The following ORC4 variants were observed in gnomAD, a reference collection of about 807,000 sequenced individuals.
ORC4 encodes the protein origin recognition complex subunit 4.
Under a neutral mutation model 63.9 loss-of-function variants are expected in ORC4, and 55 were observed. The observed-to-expected ratio is 0.86, with a 90% CI of 0.69 to 1.08. ORC4 has a LOEUF of 1.08. ORC4 is among the 50% of genes least tolerant of loss of function. The pLI is 0.00. For missense variants in ORC4, 511 were observed against 504.4 expected (o/e 1.01, Z -0.13); for synonymous variants, 150 against 168.5 (o/e 0.89, Z 0.85).
chr2:147,952,327 T>C, intron 8 of ORC4, 46 bp downstream of exon 8: 1 of 1,402,928 alleles, frequency 7.1e-7, no homozygotes, highest in Non-Finnish European at 9.9e-7. Flanking sequence ...TAAGCTTGAA[T>C]TTTAAAATAT....
At position 147,930,401 on chromosome 2, in the gene ORC4, T is replaced by C. The variant is rs957642576; in HGVS notation, c.*5109A>G. The C allele has an allele frequency of 6.6e-6, 1 of 151,586 alleles. No homozygotes were observed. Among genetic ancestry groups the C allele is most frequent in the African/African-American group, 2.4e-5 (1 of 41,162 alleles). The allele number at this position is 151,586 out of a possible 1,614,324, so 9.4% of individuals were successfully genotyped here. On this transcript the variant is annotated 3_prime_UTR_variant, in exon 14 of 14. Coordinates refer to ENST00000392857, the MANE Select transcript of ORC4 (RefSeq NM_181741.4). ...GAAAGAAGCTTCATCACAGATACTT[T>C]CCAGTTTCTCTTTTATACTTTTTTG...
chr2:147,941,764 A>ATG (rs752909369), intron 10 of ORC4, among the ~76,000 whole-genome samples: 1 of 151,986 alleles, frequency 6.6e-6, no homozygotes, highest in South Asian at 2.1e-4. Flanking sequence ...CCAGATGGAG[A>ATG]TGTGTGTGTA....
At chr2:148,019,490 G>C (rs1361312731) in intron 1 of ORC4, among the ~76,000 whole-genome samples, 2 of 152,162 alleles carry the variant, frequency 1.3e-5, no homozygotes, top group East Asian at 3.9e-4. Flanking sequence ...TACTCGGGAG[G>C]GTGAGGCAGG....
At chr2:147,980,871 A>G (rs1690844499) in intron 1 of ORC4, among the ~76,000 whole-genome samples, 1 of 152,208 alleles carries the variant, frequency 6.6e-6, no homozygotes, top group Non-Finnish European at 1.5e-5. Flanking sequence ...ATATCCATCA[A>G]TATATACAAA....
chr2:147,973,604 T>G, intron 2 of ORC4, 80 bp from the exon 3 acceptor site: 1 of 797,106 alleles, frequency 1.3e-6, no homozygotes, highest in South Asian at 1.6e-5. Flanking sequence ...ACATTTACAA[T>G]AGTCAGAATT....
chr2:147,966,167 A>C (rs1242819556), intron 4 of ORC4, among the ~76,000 whole-genome samples: 1 of 152,152 alleles, frequency 6.6e-6, no homozygotes. Flanking sequence ...CTAGAAACAA[A>C]AGAAAATAGA....
At chr2:147,956,310 T>C (rs1689247795) in intron 6 of ORC4, among the ~76,000 whole-genome samples, 1 of 152,112 alleles carries the variant, frequency 6.6e-6, no homozygotes, top group Non-Finnish European at 1.5e-5. Context: ...TTATCCATAA[T>C]TTACCGTAAT....
chr2:147,987,416 A>G (rs1025704833), intron 1 of ORC4, among the ~76,000 whole-genome samples: 2 of 148,834 alleles, frequency 1.3e-5, no homozygotes, highest in African/African-American at 2.4e-5. Flanking sequence ...ACACACAAAA[A>G]GTAACATATT....
chr2:148,021,515 T>G (rs1026270950), upstream of ORC4: 1 of 573,494 alleles, frequency 1.7e-6, no homozygotes, highest in Non-Finnish European at 3.4e-6. Flanking sequence ...CTGCTGCTAC[T>G]GCTGCTGCTT....
chr2:148,011,712 A>T (rs767711030), intron 1 of ORC4, among the ~76,000 whole-genome samples: 1 of 152,130 alleles, frequency 6.6e-6, no homozygotes, highest in Non-Finnish European at 1.5e-5. Context: ...TCTTATACTA[A>T]CCTAAAGACT....
intron 4 of ORC4, among the ~76,000 whole-genome samples, chr2:147,972,351 G>C (rs1317597948): frequency 6.6e-6 from 1 of 152,122 alleles, no homozygotes; most frequent in African/African-American, 2.4e-5. Context: ...CTACCGTGCA[G>C]TGTTGATGTA....
At position 147,931,599 on chromosome 2, in the gene ORC4, T is replaced by C. The variant is rs1190554674; in HGVS notation, c.*3911A>G. 1 of 152,176 alleles carries C rather than the reference T, an allele frequency of 6.6e-6. No homozygotes were observed. Among genetic ancestry groups the C allele is most frequent in the Non-Finnish European group, 1.5e-5 (1 of 68,070 alleles). 9.4% of individuals were successfully genotyped at this position (152,176 alleles called of 1,614,324 possible). On this transcript the variant is annotated 3_prime_UTR_variant, in exon 14 of 14. Coordinates refer to ENST00000392857, the MANE Select transcript of ORC4 (RefSeq NM_181741.4). The stretch of plus-strand genomic sequence containing the variant: ...CGAATCCAGCAGCACATCAAAAAGC[T>C]TATCCACCATGATCAAGTGGGCTTC...
At chr2:147,978,464 C>G (rs534612455) in intron 1 of ORC4, among the ~76,000 whole-genome samples, 1 of 152,164 alleles carries the variant, frequency 6.6e-6, no homozygotes, top group African/African-American at 2.4e-5. Context: ...AGGGCTGTTT[C>G]AGTATTTAAT....
chr2:147,947,044 GAACA>G (rs1193799510), intron 9 of ORC4, among the ~76,000 whole-genome samples: 1 of 151,848 alleles, frequency 6.6e-6, no homozygotes, highest in African/African-American at 2.4e-5. Flanking sequence ...ATCATTTAAA[GAACA>G]AACTAAATGC....
chr2:148,001,967 C>G (rs1692339157), intron 1 of ORC4, among the ~76,000 whole-genome samples: 4 of 152,084 alleles, frequency 2.6e-5, no homozygotes, highest in Admixed American at 2.6e-4. Context: ...ATCCTAGTCT[C>G]TGATAAAACA....
rs778728819 is a variant in ORC4, at chr2:147,935,635, G to C, written c.1186C>G (p.Gln396Glu). The part of the protein sequence containing the change: ...KPMERTSGNS[Q>E]REYQLMKLLL... ...AGTTTCATCAGCTGGTACTCTCTCT[G>C]TGAATTTCCTGAAGTTCTTTCCATG... The change falls in exon 14 of 14, where the codon CAG becomes GAG. Residue 396 changes from glutamine (Q) to glutamate (E), a missense_variant. Transcript: ENST00000392857. 22 of 1,613,392 alleles carry C rather than the reference G, an allele frequency of 1.4e-5. No individual in the cohort carries two copies. Among genetic ancestry groups the C allele is most frequent in the Middle Eastern group, 1.7e-4 (1 of 5,964 alleles).
Position 147,952,542 on chromosome 2 carries a change from CA to C in ORC4, c.437-19del. 6.4e-7 allele frequency: 1 copy of C among 1,571,032 alleles called. No individual in the cohort carries two copies. The highest frequency in any genetic ancestry group is 8.8e-7 in the Non-Finnish European group (1 of 1,141,076). Reference sequence around the variant, plus strand: ...TCGGTCACCTAAGATAAAATAAGAGCATTACATTAATAAGAAATTATATCCA... The same window carrying C: ...TCGGTCACCTAAGATAAAATAAGAGCTTACATTAATAAGAAATTATATCCA... On this transcript the variant is annotated intron_variant, in intron 7 of 13. Transcript: ENST00000392857.
intron 1 of ORC4, among the ~76,000 whole-genome samples, chr2:148,011,086 C>G (rs2105464143): frequency 6.6e-6 from 1 of 152,160 alleles, no homozygotes; most frequent in African/African-American, 2.4e-5. Flanking sequence ...GCCTCAGCCT[C>G]CCAAAGTTCT....
At chr2:148,003,182 T>C (rs1395349074) in intron 1 of ORC4, among the ~76,000 whole-genome samples, 1 of 152,000 alleles carries the variant, frequency 6.6e-6, no homozygotes, top group East Asian at 1.9e-4. Flanking sequence ...CTACCAGAGG[T>C]ACAAAGCGGA....
Sources: gnomAD v4.1 joint callset for allele counts (sites outside exome capture counted in the v4.1 genomes callset) on GRCh38, gnomAD v4.1.1 for gene constraint, MANE v1.5 for transcripts, NCBI Gene and HGNC (gene_info 2026-07-23, HGNC 2026-07-21) for gene names.